Variants in SERPINB12 observed in about 807,000 individuals in gnomAD.
SERPINB12 encodes the protein serpin family B member 12.
Under a neutral mutation model 41.1 loss-of-function variants are expected in SERPINB12, and 57 were observed. That is an observed-to-expected ratio of 1.39 (90% CI 1.12 to 1.73). The LOEUF (loss-of-function observed/expected upper bound fraction) is 1.73. Among genes scored for constraint, SERPINB12 ranks in the 40% most tolerant of loss-of-function variants. The probability of loss-of-function intolerance (pLI) is 0.00; values close to 1 mark genes in which losing one functional copy is unlikely to be tolerated. For missense variants in SERPINB12, 536 were observed against 501.9 expected (o/e 1.07, Z -0.65); for synonymous variants, 180 against 181.3 (o/e 0.99, Z 0.06).
At chr18:63,553,562 T>C (rs1387717681) in intron 1 of SERPINB12, among the ~76,000 whole-genome samples, 2 of 152,196 alleles carry the variant, frequency 1.3e-5, no homozygotes, top group Admixed American at 1.3e-4. Context: ...CCCCTTCTTT[T>C]CCTTCAATAT....
chr18:63,558,995 TTTCC>T lies in SERPINB12; in HGVS notation c.303+517_303+520del, dbSNP rs199549597. On this transcript the variant is annotated intron_variant, in intron 3 of 7. Coordinates refer to ENST00000382768, the MANE Select transcript of SERPINB12 (RefSeq NM_001307928.2). Reference sequence around the variant, plus strand: ...GTGGATAGATGATTGTCTTTCTTTCTTTCCTTCCTTCTTTCTTTCTTTCTTTCTT... The same window carrying T: ...GTGGATAGATGATTGTCTTTCTTTCTTTCCTTCTTTCTTTCTTTCTTTCTT... 9.0e-3 allele frequency among the ~76,000 whole-genome samples: 1,087 copies of T among 120,640 alleles called. 101 individuals are homozygous for T. The highest frequency in any genetic ancestry group is 0.022 in the African/African-American group (641 of 29,294). 79.1% of individuals were successfully genotyped at this position (120,640 alleles called of 152,430 possible). A position where few individuals can be genotyped will look rare whatever the true frequency, so the allele number is the denominator to read the frequency against.
chr18:63,561,717 GA>G (rs1568130839), intron 5 of SERPINB12, among the ~76,000 whole-genome samples: 1 of 152,184 alleles, frequency 6.6e-6, no homozygotes, highest in African/African-American at 2.4e-5. Flanking sequence ...CCATCAAAAA[GA>G]ATGAAATCAT....
At chr18:63,527,267 A>C in the SERPINB12 span, among the ~76,000 whole-genome samples, 1 of 152,242 alleles carries the variant, frequency 6.6e-6, no homozygotes, top group Non-Finnish European at 1.5e-5. Flanking sequence ...CAGACCAAGT[A>C]AATTTTATGC....
At chr18:63,525,491 T>G in the SERPINB12 span, among the ~76,000 whole-genome samples, 1 of 152,134 alleles carries the variant, frequency 6.6e-6, no homozygotes, top group Non-Finnish European at 1.5e-5. Context: ...ATTAATAGAG[T>G]CAAATGTATT....
chr18:63,524,767 TTC>T, the SERPINB12 span, among the ~76,000 whole-genome samples: 10 of 150,348 alleles, frequency 6.7e-5, no homozygotes, highest in Admixed American at 1.3e-4. Context: ...TTTTTTTTTT[TTC>T]GTGACAGTCT....
the SERPINB12 span, among the ~76,000 whole-genome samples, chr18:63,529,847 C>T: frequency 6.6e-6 from 1 of 152,002 alleles, no homozygotes; most frequent in African/African-American, 2.4e-5. Context: ...TCCTTTTATC[C>T]ACTCTGTTCA....
At chr18:63,541,004 G>A (rs569397716), upstream of SERPINB12, among the ~76,000 whole-genome samples, 4 of 152,138 alleles carry the variant, frequency 2.6e-5, no homozygotes, top group South Asian at 2.1e-4. Flanking sequence ...TTTTCTTTAC[G>A]TTTTCAGTAT....
chr18:63,534,278 A>T, the SERPINB12 span, among the ~76,000 whole-genome samples: 21 of 152,286 alleles, frequency 1.4e-4, no homozygotes, highest in South Asian at 4.4e-3. Context: ...TTATAAGGAG[A>T]CAACACATTA....
chr18:63,544,039 A>G (rs1224797040), intron 1 of SERPINB12, among the ~76,000 whole-genome samples: 1 of 152,196 alleles, frequency 6.6e-6, no homozygotes, highest in Non-Finnish European at 1.5e-5. Context: ...AAACCATGGT[A>G]TTTCATCATT....
upstream of SERPINB12, among the ~76,000 whole-genome samples, chr18:63,539,809 TC>T (rs1185818887): frequency 6.6e-6 from 1 of 152,132 alleles, no homozygotes; most frequent in Non-Finnish European, 1.5e-5. Flanking sequence ...GTATGTTGTT[TC>T]TTTTAGATTC....
At chr18:63,537,386 T>C (rs1910194860), upstream of SERPINB12, among the ~76,000 whole-genome samples, 1 of 152,134 alleles carries the variant, frequency 6.6e-6, no homozygotes, top group African/African-American at 2.4e-5. Flanking sequence ...TCTCTTTTGG[T>C]AAATTGAGTA....
At chr18:63,566,271 A>G (rs936920459) in intron 7 of SERPINB12, among the ~76,000 whole-genome samples, 1 of 152,236 alleles carries the variant, frequency 6.6e-6, no homozygotes, top group South Asian at 2.1e-4. Flanking sequence ...GCAAGAACTT[A>G]ATCATATTAT....
chr18:63,526,938 C>T, the SERPINB12 span, among the ~76,000 whole-genome samples: 1 of 152,164 alleles, frequency 6.6e-6, no homozygotes, highest in African/African-American at 2.4e-5. Flanking sequence ...CCGCATGTAA[C>T]TGTACTGAAT....
chr18:63,565,407 C>T, intron 6 of SERPINB12, 38 bp from the exon 7 acceptor site: 3 of 1,585,802 alleles, frequency 1.9e-6, no homozygotes, highest in Non-Finnish European at 2.6e-6. Context: ...GGGAGTTTCC[C>T]ATAGCCGTCC....
At chr18:63,557,846 C>A (rs955401658) in intron 2 of SERPINB12, among the ~76,000 whole-genome samples, 1 of 152,094 alleles carries the variant, frequency 6.6e-6, no homozygotes, top group Non-Finnish European at 1.5e-5. Flanking sequence ...ATAATGAGAA[C>A]CACATAGTAA....
rs1205346351 is a variant in SERPINB12, at chr18:63,559,626, C to A, written c.352C>A (p.Gln118Lys). 6.2e-7 allele frequency: 1 copy of A among 1,614,108 alleles called. No homozygotes were observed. The highest frequency in any genetic ancestry group is 1.1e-5 in the South Asian group (1 of 91,066). Reference protein sequence around the residue: ...ESGLVSCYFGQLLSKLDRIKT... With the variant: ...ESGLVSCYFGKLLSKLDRIKT... ...CGGACTGGTCAGCTGCTACTTTGGG[C>A]AGCTTCTCTCCAAATTAGACAGGAT... The change falls in exon 4 of 8, where the codon CAG becomes AAG. Residue 118 changes from glutamine to lysine, a missense_variant. Transcript: ENST00000382768.
rs143269199 is a variant in SERPINB12 at position 63,558,077 on chromosome 18, T to C, written c.169-275T>C. ...CAATTCAGATTGGGTATCTATGAAA[T>C]GCTCCATAGTTACATTTAGCTTGTG... is the stretch of plus-strand genomic sequence containing the variant. On this transcript the variant is annotated intron_variant, in intron 2 of 7. Coordinates refer to ENST00000382768, the MANE Select transcript of SERPINB12 (RefSeq NM_001307928.2). Among the ~76,000 whole-genome samples, 168 of 152,328 alleles carry C rather than the reference T, an allele frequency of 1.1e-3. 1 individual carries two copies. Among genetic ancestry groups the C allele is most frequent in the Non-Finnish European group, 2.2e-3 (150 of 68,026 alleles).
chr18:63,536,493 A>G, the SERPINB12 span, among the ~76,000 whole-genome samples: 1 of 152,194 alleles, frequency 6.6e-6, no homozygotes, highest in Non-Finnish European at 1.5e-5. Context: ...AGGTGATTCC[A>G]CTTTTTGCCA....
At chr18:63,519,280 C>G in the SERPINB12 span, among the ~76,000 whole-genome samples, 1 of 152,154 alleles carries the variant, frequency 6.6e-6, no homozygotes, top group South Asian at 2.1e-4. Context: ...AGTTTAGCTT[C>G]CTTAAGACCT....
Sources: gnomAD v4.1 joint callset for allele counts (sites outside exome capture counted in the v4.1 genomes callset) on GRCh38, gnomAD v4.1.1 for gene constraint, MANE v1.5 for transcripts, NCBI Gene and HGNC (gene_info 2026-07-23, HGNC 2026-07-21) for gene names.